The following TNNT2 variants were observed in gnomAD, a reference collection of about 807,000 sequenced individuals.
The protein encoded by TNNT2 is troponin T2, cardiac type.
Under a neutral mutation model 62.4 loss-of-function variants are expected in TNNT2, and 34 were observed. That is an observed-to-expected ratio of 0.54 (90% CI 0.41 to 0.72). The LOEUF is 0.72. Ranked by LOEUF, TNNT2 falls within the 30% of genes least tolerant of loss-of-function variation. The pLI is 0.00. For missense variants in TNNT2, 275 were observed against 381.9 expected (o/e 0.72, Z 2.33); for synonymous variants, 123 against 127.2 (o/e 0.97, Z 0.22).
chr1:201,368,203 T>C lies in TNNT2; in HGVS notation c.122A>G (p.Asp41Gly). 6.2e-7 allele frequency: 1 copy of C among 1,614,096 alleles called. No individual in the cohort carries two copies. Among genetic ancestry groups the C allele is most frequent in the Non-Finnish European group, 8.5e-7 (1 of 1,180,010 alleles). Reference protein sequence around the residue: ...EDEQEEAAEEDAEAEAETEET... With the variant: ...EDEQEEAAEEGAEAEAETEET... ...CTCGGTCTCAGCCTCTGCTTCAGCATCCTCTTCCGCTGCCTCCTCCTGCTC... is the reference window on the plus strand; with the variant it reads ...CTCGGTCTCAGCCTCTGCTTCAGCACCCTCTTCCGCTGCCTCCTCCTGCTC... The change falls in exon 6 of 17, where the codon GAT becomes GGT. Residue 41 changes from aspartate (D) to glycine (G), a missense_variant. Coordinates refer to ENST00000656932, the MANE Select transcript of TNNT2 (RefSeq NM_001276345.2).
At chr1:201,364,129 C>T (rs1659221700) in intron 11 of TNNT2, 169 bp downstream of exon 11, 5 of 670,404 alleles carry the variant, frequency 7.5e-6, no homozygotes, top group Non-Finnish European at 1.0e-5. Flanking sequence ...AGTGATCTAC[C>T]CGCCTTGGCC....
chr1:201,371,950 G>A, intron 4 of TNNT2, 77 bp downstream of exon 4: 1 of 1,592,510 alleles, frequency 6.3e-7, no homozygotes, highest in Non-Finnish European at 8.6e-7. Context: ...CAGATGAGCT[G>A]CTTTCCCAGG....
At chr1:201,364,199 C>T in intron 11 of TNNT2, 99 bp downstream of exon 11, 1 of 1,306,332 alleles carries the variant, frequency 7.7e-7, no homozygotes, top group Non-Finnish European at 1.1e-6. Context: ...TGTCTCTTGA[C>T]TGATTTCATT....
chr1:201,362,182 C>A, intron 13 of TNNT2, 160 bp from the exon 14 acceptor site: 1 of 1,190,668 alleles, frequency 8.4e-7, no homozygotes, highest in Non-Finnish European at 1.2e-6. Flanking sequence ...CATGTATTCC[C>A]TAGGGAAACT....
chr1:201,365,318 A>C lies in TNNT2; in HGVS notation c.295-11T>G, dbSNP rs1329180923. 3.1e-6 allele frequency: 5 copies of C among 1,610,206 alleles called. No individual in the cohort carries two copies. In the East Asian group the frequency reaches 6.7e-5, roughly 22 times the overall value. On this transcript the variant is annotated splice_polypyrimidine_tract_variant and intron_variant, in intron 9 of 16. Coordinates refer to ENST00000656932, the MANE Select transcript of TNNT2 (RefSeq NM_001276345.2). ...CTTCCGGTGGATGTCCTGTGGGTGG[A>C]CCGCTGCGGCTCAGAGGCTGCCACT...
chr1:201,364,276 G>C, intron 11 of TNNT2, 22 bp downstream of exon 11: 1 of 1,608,408 alleles, frequency 6.2e-7, no homozygotes. Context: ...GCCTCCATGG[G>C]CCTGGGCTAG....
rs1166650536 is a variant in TNNT2, at chr1:201,363,283, G to A, written c.600+13C>T. ...CTAGGATCTCCTGGCAACCCCTGCT[G>A]CTCCCTACCTACCTTCTGGATGTAA... On this transcript the variant is annotated intron_variant, in intron 12 of 16. Coordinates refer to ENST00000656932, the MANE Select transcript of TNNT2 (RefSeq NM_001276345.2). 29 of 1,613,720 alleles carry A rather than the reference G, an allele frequency of 1.8e-5. No individual in the cohort carries two copies. In the Admixed American group the frequency reaches 4.8e-4, roughly 27 times the overall value.
intron 5 of TNNT2, chr1:201,369,226 A>G: frequency 2.1e-6 from 1 of 466,544 alleles, no homozygotes; most frequent in South Asian, 1.6e-5. Context: ...GCATCTTGAG[A>G]TATAGCTGTC....
chr1:201,374,031 G>A (rs1309061564), intron 1 of TNNT2: 1 of 153,188 alleles, frequency 6.5e-6, no homozygotes, highest in Non-Finnish European at 1.5e-5. Flanking sequence ...GTAGACTGTG[G>A]TGATGGATAC....
chr1:201,367,967 C>T (rs752296121), intron 6 of TNNT2, among the ~76,000 whole-genome samples, 161 bp from the exon 7 acceptor site: 7 of 152,180 alleles, frequency 4.6e-5, no homozygotes, highest in Non-Finnish European at 8.8e-5. Context: ...TTCCCCTGGA[C>T]CCAAGACTGC....
intron 1 of TNNT2, among the ~76,000 whole-genome samples, chr1:201,376,715 C>T (rs891403505): frequency 6.6e-6 from 1 of 152,198 alleles, no homozygotes; most frequent in African/African-American, 2.4e-5. Context: ...CAACCCCCTC[C>T]CTGAATAGTC....
chr1:201,361,383 G>T lies in TNNT2; in HGVS notation c.720-14C>A, dbSNP rs761998371. 2.5e-6 allele frequency: 4 copies of T among 1,611,860 alleles called. No homozygotes were observed. The African/African-American group carries it at 5.4e-5, about 22-fold the overall frequency. On this transcript the variant is annotated splice_polypyrimidine_tract_variant and intron_variant, in intron 14 of 16. Coordinates refer to ENST00000656932, the MANE Select transcript of TNNT2 (RefSeq NM_001276345.2). Reference sequence around the variant, plus strand: ...TTGGCCTTCTCCCTGCACGGGCAAGGGTGAGAATGGGGAGGTCCAGTAAGA... The same window carrying T: ...TTGGCCTTCTCCCTGCACGGGCAAGTGTGAGAATGGGGAGGTCCAGTAAGA...
chr1:201,373,165 G>A, intron 2 of TNNT2, 49 bp downstream of exon 2: 1 of 1,587,596 alleles, frequency 6.3e-7, no homozygotes, highest in Non-Finnish European at 8.7e-7. Context: ...AGGTGTCAGG[G>A]CAGCGGCGGG....
chr1:201,365,351 G>T (rs376844317), intron 9 of TNNT2, 44 bp from the exon 10 acceptor site: 1 of 1,534,886 alleles, frequency 6.5e-7, no homozygotes, highest in African/African-American at 1.4e-5. Flanking sequence ...ACTCCAAAGA[G>T]TCCAGAGGAG....
Position 201,361,440 on chromosome 1 carries a change from GGCCCA to G in TNNT2, c.720-76_720-72del, listed in dbSNP as rs1023351151. 9.3e-6 allele frequency: 13 copies of G among 1,403,082 alleles called. No homozygotes were observed. The African/African-American group carries it at 1.8e-4, about 20-fold the overall frequency. 86.9% of individuals were successfully genotyped at this position (1,403,082 alleles called of 1,614,324 possible). On this transcript the variant is annotated intron_variant, in intron 14 of 16. Coordinates refer to ENST00000656932, the MANE Select transcript of TNNT2 (RefSeq NM_001276345.2). ...CCTCCTGGGCCTCCGTCCTGGTCCC[GGCCCA>G]GCCCCCAGCATCCCAGCCCTCCTTC...
chr1:201,367,378 A>T (rs1397146250), intron 7 of TNNT2: 4 of 401,878 alleles, frequency 1.0e-5, no homozygotes, highest in Admixed American at 7.7e-5. Context: ...AGGCTGCAGC[A>T]TGACGATGAC....
intron 16 of TNNT2, 101 bp from the exon 17 acceptor site, chr1:201,359,356 G>A (rs1366828760): frequency 5.6e-6 from 8 of 1,435,460 alleles, no homozygotes; most frequent in East Asian, 2.4e-5. Flanking sequence ...AGAGGAGCAG[G>A]CTGGAGCTGC....
chr1:201,372,434 T>C (rs1211749917), intron 2 of TNNT2, among the ~76,000 whole-genome samples: 1 of 152,138 alleles, frequency 6.6e-6, no homozygotes, highest in African/African-American at 2.4e-5. Flanking sequence ...CTTTCCATCT[T>C]TGCCCAAGCT....
Position 201,360,135 on chromosome 1 carries a change from G to A in TNNT2, c.811-472C>T, listed in dbSNP as rs538575670. 2.6e-5 allele frequency among the ~76,000 whole-genome samples: 4 copies of A among 152,284 alleles called. No individual in the cohort carries two copies. In the East Asian group the frequency reaches 5.8e-4, roughly 22 times the overall value. ...TTGGCAAATCTGTGTCCTGTTGGCC[G>A]GTGCAGAGTTCAGTGTGGAACCAAA... On this transcript the variant is annotated intron_variant, in intron 15 of 16. Coordinates refer to ENST00000656932, the MANE Select transcript of TNNT2 (RefSeq NM_001276345.2).
Sources: gnomAD v4.1 joint callset for allele counts (sites outside exome capture counted in the v4.1 genomes callset) on GRCh38, gnomAD v4.1.1 for gene constraint, MANE v1.5 for transcripts, NCBI Gene and HGNC (gene_info 2026-07-23, HGNC 2026-07-21) for gene names.